The following SLC16A4 variants were observed in gnomAD, a reference collection of about 807,000 sequenced individuals.
SLC16A4 encodes the protein probable monocarboxylate transporter 5.
In SLC16A4, 39 loss-of-function variants were observed where a neutral mutation model predicts 47.9. The ratio of observed to expected loss-of-function variants is 0.81; its 90% CI spans 0.63 to 1.06. The LOEUF (loss-of-function observed/expected upper bound fraction) is 1.06. Among genes scored for constraint, SLC16A4 ranks in the 50% least tolerant of loss-of-function variants. The pLI is 0.00. For synonymous variants in SLC16A4, 189 were observed against 199.9 expected (o/e 0.95, Z 0.46); for missense variants, 524 against 573.8 (o/e 0.91, Z 0.89).
rs568819232 is a variant in SLC16A4, at chr1:110,367,933, A to G, written c.1337-4040T>C. 1.1e-4 allele frequency among the ~76,000 whole-genome samples: 17 copies of G among 152,150 alleles called. No homozygotes were observed. In the South Asian group the frequency reaches 1.5e-3, roughly 13 times the overall value. ...CAGCTCCGCCTCCCGGATTCACACC[A>G]TTCTCCTGTCTCAGCCTCCCGAGTA... On this transcript the variant is annotated intron_variant, in intron 8 of 8. Coordinates refer to ENST00000369779, the MANE Select transcript of SLC16A4 (RefSeq NM_004696.3).
At position 110,389,337 on chromosome 1, in the gene SLC16A4, T is replaced by C. The variant is rs779003880; in HGVS notation, c.-14A>G. On this transcript the variant is annotated 5_prime_UTR_variant, in exon 2 of 9. Coordinates refer to ENST00000369779, the MANE Select transcript of SLC16A4 (RefSeq NM_004696.3). ...CCTCTTCAGCATGATGCCTCTTCTATTTTAAATGCAGAAGATCCCTGTGAT... is the reference window on the plus strand; with the variant it reads ...CCTCTTCAGCATGATGCCTCTTCTACTTTAAATGCAGAAGATCCCTGTGAT... The C allele has an allele frequency of 1.9e-6, 3 of 1,577,724 alleles. No homozygotes were observed. In the East Asian group the frequency reaches 6.7e-5, roughly 35 times the overall value.
At chr1:110,384,799 C>T (rs1051756637) in intron 2 of SLC16A4, among the ~76,000 whole-genome samples, 7 of 152,048 alleles carry the variant, frequency 4.6e-5, no homozygotes, top group African/African-American at 1.7e-4. Flanking sequence ...TCGCTTGAGC[C>T]CAGGAGTTCA....
At chr1:110,373,208 G>A (rs75563039) in intron 8 of SLC16A4, among the ~76,000 whole-genome samples, 1 of 152,226 alleles carries the variant, frequency 6.6e-6, no homozygotes, top group Non-Finnish European at 1.5e-5. Flanking sequence ...CATTAAACAT[G>A]TTATAGTTTT....
chr1:110,363,496 T>G lies in SLC16A4; in HGVS notation c.*270A>C, dbSNP rs559501598. 32 of 202,374 alleles carry G rather than the reference T, an allele frequency of 1.6e-4. No homozygotes were observed. Among genetic ancestry groups the G allele is most frequent in the East Asian group, 1.5e-3 (12 of 7,898 alleles). 12.5% of individuals were successfully genotyped at this position (202,374 alleles called of 1,614,324 possible). ...AAAAAATTAGCTGGGTGTGGTGGCG[T>G]GTGCCTGTAGTCCCAGCTACTTGGG... is the stretch of plus-strand genomic sequence containing the variant. On this transcript the variant is annotated 3_prime_UTR_variant, in exon 9 of 9. Transcript: ENST00000369779.
chr1:110,380,344 G>A (rs1269291966), intron 5 of SLC16A4, among the ~76,000 whole-genome samples: 1 of 152,090 alleles, frequency 6.6e-6, no homozygotes, highest in Non-Finnish European at 1.5e-5. Context: ...CATGTAGATA[G>A]CAATAGGCAT....
intron 7 of SLC16A4, 75 bp downstream of exon 7, chr1:110,376,875 G>A (rs77842866): frequency 0.015 from 17,576 of 1,175,280 alleles, 285 homozygotes; most frequent in South Asian, 0.053. Context: ...TACAAAATAC[G>A]TATTTTGGGG....
intron 8 of SLC16A4, among the ~76,000 whole-genome samples, chr1:110,369,061 T>G (rs965597665): frequency 7.2e-5 from 11 of 151,812 alleles, no homozygotes; most frequent in Non-Finnish European, 2.9e-5. Context: ...TTTAAGCGAT[T>G]CTCCTGCCCC....
At chr1:110,374,085 A>G (rs1470751828) in intron 8 of SLC16A4, among the ~76,000 whole-genome samples, 1 of 150,206 alleles carries the variant, frequency 6.7e-6, no homozygotes, top group Admixed American at 6.7e-5. Flanking sequence ...CCCAGGCTGG[A>G]GTGAAGTGGT....
At chr1:110,377,356 G>C (rs1662065201) in intron 6 of SLC16A4, among the ~76,000 whole-genome samples, 195 bp from the exon 7 acceptor site, 4 of 152,098 alleles carry the variant, frequency 2.6e-5, no homozygotes, top group Admixed American at 2.6e-4. Flanking sequence ...TAGCAAAAAA[G>C]TCTCCGCTAG....
At chr1:110,390,235 C>A (rs1056262072) in intron 1 of SLC16A4, among the ~76,000 whole-genome samples, 1 of 152,094 alleles carries the variant, frequency 6.6e-6, no homozygotes, top group Non-Finnish European at 1.5e-5. Flanking sequence ...TCCCTCCCCC[C>A]AGGTCTGCAA....
intron 5 of SLC16A4, among the ~76,000 whole-genome samples, chr1:110,380,073 A>AAAAAG (rs56111977): frequency 2.0e-5 from 3 of 150,256 alleles, no homozygotes; most frequent in Middle Eastern, 3.2e-3. Context: ...AAAAAAAAAA[A>AAAAAG]GCAGCGGGAG....
At chr1:110,377,949 C>T (rs1318792321) in intron 6 of SLC16A4, among the ~76,000 whole-genome samples, 1 of 152,120 alleles carries the variant, frequency 6.6e-6, no homozygotes, top group Non-Finnish European at 1.5e-5. Context: ...CCTGCCTCAG[C>T]CTCCTGAATA....
At chr1:110,384,417 C>T (rs1662616525) in intron 2 of SLC16A4, among the ~76,000 whole-genome samples, 1 of 152,346 alleles carries the variant, frequency 6.6e-6, no homozygotes, top group African/African-American at 2.4e-5. Flanking sequence ...CTTTCTGCCC[C>T]ACCTAATCTT....
intron 2 of SLC16A4, among the ~76,000 whole-genome samples, chr1:110,386,426 G>A (rs7515163): frequency 1.8e-4 from 28 of 152,254 alleles, no homozygotes; most frequent in African/African-American, 6.7e-4. Flanking sequence ...GTGGGTTTTA[G>A]TTCTGTTACC....
At position 110,378,915 on chromosome 1, in the gene SLC16A4, A is replaced by G. The variant is rs1205692472; in HGVS notation, c.968T>C (p.Val323Ala). Reference protein sequence around the residue: ...LAYFIPTFHLVARAKTLGIDI... With the variant: ...LAYFIPTFHLAARAKTLGIDI... ...AATCCCCAGTGTTTTGGCTCTGGCT[A>G]CCAGGTGAAAGGTAGGGATGAAGTA... Residue 323 changes from valine (V) to alanine (A), a missense_variant, in exon 6 of 9, where the codon GTA becomes GCA. Physicochemically the swap from Val to Ala is moderately conservative, Grantham distance 64. Transcript: ENST00000369779. 1.9e-6 allele frequency: 3 copies of G among 1,614,078 alleles called. No individual in the cohort carries two copies. The highest frequency in any genetic ancestry group is 1.3e-5 in the African/African-American group (1 of 74,936).
At chr1:110,379,624 A>G (rs1489371316) in intron 5 of SLC16A4, among the ~76,000 whole-genome samples, 2 of 152,088 alleles carry the variant, frequency 1.3e-5, no homozygotes, top group African/African-American at 4.8e-5. Context: ...AGGGGGGGCA[A>G]GTTTTTGGAG....
chr1:110,366,696 T>C (rs1026410141), intron 8 of SLC16A4, among the ~76,000 whole-genome samples: 3 of 152,224 alleles, frequency 2.0e-5, no homozygotes, highest in Non-Finnish European at 4.4e-5. Flanking sequence ...TGTGTAGGTA[T>C]ACTGTTCATA....
At chr1:110,383,416 G>A (rs1448459579) in intron 2 of SLC16A4, among the ~76,000 whole-genome samples, 1 of 152,136 alleles carries the variant, frequency 6.6e-6, no homozygotes, top group East Asian at 1.9e-4. Flanking sequence ...TAATTTGGTG[G>A]GTGGGAGGCC....
intron 6 of SLC16A4, among the ~76,000 whole-genome samples, chr1:110,378,029 C>T (rs1037214005): frequency 6.6e-6 from 1 of 152,084 alleles, no homozygotes; most frequent in East Asian, 1.9e-4. Flanking sequence ...TGGGGTTTCA[C>T]CACGTTAGCT....
Sources: allele counts gnomAD v4.1 joint callset (sites outside exome capture counted in the v4.1 genomes callset), GRCh38; gene constraint gnomAD v4.1.1; transcripts MANE v1.5; gene names NCBI Gene and HGNC (gene_info 2026-07-23, HGNC 2026-07-21).